Variants in KCND2 observed in about 807,000 individuals in gnomAD.
KCND2 encodes the protein potassium voltage-gated channel subfamily D member 2.
Under a neutral mutation model 54.4 loss-of-function variants are expected in KCND2, and 16 were observed. The observed-to-expected ratio is 0.29, with a 90% confidence interval of 0.20 to 0.45. The LOEUF (loss-of-function observed/expected upper bound fraction) is 0.45, where lower values mean the gene tolerates loss of function less well. Ranked by LOEUF, KCND2 falls within the 20% of genes least tolerant of loss-of-function variation. The pLI, the probability that KCND2 is intolerant of heterozygous loss-of-function variation, is 1.00. For missense variants in KCND2, 486 were observed against 824.2 expected (o/e 0.59, Z 5.02); for synonymous variants, 317 against 310.7 (o/e 1.02, Z -0.21).
At chr7:120,641,197 C>T (rs1316800310) in intron 1 of KCND2, among the ~76,000 whole-genome samples, 9 of 152,040 alleles carry the variant, frequency 5.9e-5, no homozygotes. Flanking sequence ...GATCCAATTA[C>T]CTAGACTCTG....
At chr7:120,586,676 CT>C (rs1283150168) in intron 1 of KCND2, among the ~76,000 whole-genome samples, 3 of 152,158 alleles carry the variant, frequency 2.0e-5, no homozygotes, top group Non-Finnish European at 4.4e-5. Context: ...AAGATTTTCA[CT>C]GCTTTCTCAA....
At chr7:120,407,367 A>G (rs1280137086) in intron 1 of KCND2, among the ~76,000 whole-genome samples, 1 of 152,054 alleles carries the variant, frequency 6.6e-6, no homozygotes, top group East Asian at 1.9e-4. Context: ...GAAAGAGCTC[A>G]TAGTGTAGTT....
intron 1 of KCND2, among the ~76,000 whole-genome samples, chr7:120,688,454 G>A (rs1168498183): frequency 6.6e-6 from 1 of 152,120 alleles, no homozygotes; most frequent in Non-Finnish European, 1.5e-5. Context: ...GTTTTCAAGT[G>A]ATACAGAAAC....
At chr7:120,330,607 A>AAAG (rs869077188) in intron 1 of KCND2, among the ~76,000 whole-genome samples, 2 of 149,260 alleles carry the variant, frequency 1.3e-5, no homozygotes, top group East Asian at 2.0e-4. Context: ...AAAAAAAAAA[A>AAAG]GTTAGCTAAC....
At chr7:120,365,127 G>A (rs994438335) in intron 1 of KCND2, among the ~76,000 whole-genome samples, 1 of 150,432 alleles carries the variant, frequency 6.6e-6, no homozygotes. Flanking sequence ...TTCGTATTTT[G>A]CTTTGAGATG....
chr7:120,334,637 A>G (rs1584735044), intron 1 of KCND2, among the ~76,000 whole-genome samples: 1 of 152,328 alleles, frequency 6.6e-6, no homozygotes, highest in South Asian at 2.1e-4. Context: ...CAGTCTAAGC[A>G]TCATAGATGG....
intron 1 of KCND2, among the ~76,000 whole-genome samples, chr7:120,474,424 G>A (rs182682002): frequency 2.0e-5 from 3 of 152,026 alleles, no homozygotes; most frequent in Admixed American, 6.6e-5. Context: ...TACAACCTCC[G>A]CCTCCCGGGT....
intron 1 of KCND2, among the ~76,000 whole-genome samples, chr7:120,382,297 CA>C (rs1800926761): frequency 1.3e-5 from 2 of 151,622 alleles, no homozygotes; most frequent in South Asian, 4.1e-4. Context: ...CGTAAGAGCA[CA>C]AGGATGAAAA....
Position 120,584,457 on chromosome 7 carries a change from A to G in KCND2, c.1116-148446A>G, listed in dbSNP as rs546191694. The stretch of plus-strand genomic sequence containing the variant: ...CTGTCTTCACAGTGAGAGGAAAAGC[A>G]TTCACGCAGCTAAAATGGATTTTAT... On this transcript the variant is annotated intron_variant, in intron 1 of 5. Coordinates refer to ENST00000331113, the MANE Select transcript of KCND2 (RefSeq NM_012281.3). Among the ~76,000 whole-genome samples the G allele has an allele frequency of 3.3e-5, 5 of 152,376 alleles. No individual in the cohort carries two copies. The East Asian group carries it at 9.6e-4, about 29-fold the overall frequency.
At chr7:120,419,295 C>G (rs751400929) in intron 1 of KCND2, among the ~76,000 whole-genome samples, 1 of 152,078 alleles carries the variant, frequency 6.6e-6, no homozygotes, top group Non-Finnish European at 1.5e-5. Flanking sequence ...ATCTGCTATG[C>G]ATTGCTAAAG....
intron 1 of KCND2, among the ~76,000 whole-genome samples, chr7:120,576,315 CAA>C (rs1339634332): frequency 6.6e-6 from 1 of 152,068 alleles, no homozygotes; most frequent in African/African-American, 2.4e-5. Context: ...AATGTTATAA[CAA>C]AAATATTTTA....
At chr7:120,366,220 T>C (rs528602914) in intron 1 of KCND2, among the ~76,000 whole-genome samples, 22 of 152,130 alleles carry the variant, frequency 1.4e-4, no homozygotes, top group African/African-American at 4.6e-4. Flanking sequence ...CACAGTGGCT[T>C]ACACCTGTAA....
At chr7:120,598,076 A>G (rs1020213658) in intron 1 of KCND2, among the ~76,000 whole-genome samples, 55 of 151,892 alleles carry the variant, frequency 3.6e-4, no homozygotes, top group African/African-American at 1.3e-3. Flanking sequence ...ACCCAAAAAA[A>G]CTAAAAAAAA....
intron 1 of KCND2, among the ~76,000 whole-genome samples, chr7:120,592,672 T>G (rs1200583751): frequency 6.6e-6 from 1 of 152,244 alleles, no homozygotes; most frequent in East Asian, 1.9e-4. Context: ...TGCATCAGTG[T>G]GCATGCCTCA....
chr7:120,481,553 ATCT>A (rs1167050405), intron 1 of KCND2, among the ~76,000 whole-genome samples: 1 of 152,066 alleles, frequency 6.6e-6, no homozygotes, highest in East Asian at 1.9e-4. Flanking sequence ...CATTTTGGAG[ATCT>A]TCTAGGCCAC....
intron 1 of KCND2, among the ~76,000 whole-genome samples, chr7:120,487,431 A>C (rs1802711238): frequency 6.6e-6 from 1 of 152,178 alleles, no homozygotes; most frequent in African/African-American, 2.4e-5. Flanking sequence ...AGGGAGAGAA[A>C]GAGAGACACA....
chr7:120,498,407 G>C (rs1802881938), intron 1 of KCND2, among the ~76,000 whole-genome samples: 1 of 151,768 alleles, frequency 6.6e-6, no homozygotes, highest in African/African-American at 2.4e-5. Flanking sequence ...TTGAACCCAG[G>C]AGGCAGTGGT....
rs1001546493 is a variant in KCND2, at chr7:120,587,974, A to G, written c.1116-144929A>G. On this transcript the variant is annotated intron_variant, in intron 1 of 5. Transcript: ENST00000331113. ...TCTTTTGCTTATACAGTATGTTATA[A>G]ATATGTTTATATTCATGTTCATTTG... 4.6e-5 allele frequency among the ~76,000 whole-genome samples: 7 copies of G among 152,296 alleles called. No homozygotes were observed. The East Asian group carries it at 1.4e-3, about 29-fold the overall frequency.
At chr7:120,482,578 A>G (rs1213985174) in intron 1 of KCND2, among the ~76,000 whole-genome samples, 1 of 152,176 alleles carries the variant, frequency 6.6e-6, no homozygotes, top group African/African-American at 2.4e-5. Context: ...TAATCCATGA[A>G]AACATTAATG....
Sources: allele counts gnomAD v4.1 joint callset (sites outside exome capture counted in the v4.1 genomes callset), GRCh38; gene constraint gnomAD v4.1.1; transcripts MANE v1.5; gene names NCBI Gene and HGNC (gene_info 2026-07-23, HGNC 2026-07-21).